SPRED2: variants seen among roughly 807,000 people sequenced by gnomAD.
The protein encoded by SPRED2 is sprouty-related, EVH1 domain-containing protein 2.
Under a neutral mutation model 43.0 loss-of-function variants are expected in SPRED2, and 47 were observed. The ratio of observed to expected loss-of-function variants is 1.09; its 90% CI spans 0.87 to 1.40. The LOEUF is 1.40. SPRED2 is among the 40% of genes most tolerant of loss of function. SPRED2 has a pLI of 0.00. For missense variants in SPRED2, 561 were observed against 586.4 expected (o/e 0.96, Z 0.45); for synonymous variants, 225 against 225.7 (o/e 1.00, Z 0.03).
At chr2:65,403,700 A>G (rs1192825967) in intron 1 of SPRED2, among the ~76,000 whole-genome samples, 1 of 152,162 alleles carries the variant, frequency 6.6e-6, no homozygotes, top group Non-Finnish European at 1.5e-5. Flanking sequence ...GCACCATCTC[A>G]GGCCCCACCC....
chr2:65,426,074 A>C (rs1361079677), intron 1 of SPRED2, among the ~76,000 whole-genome samples: 1 of 152,236 alleles, frequency 6.6e-6, no homozygotes, highest in Non-Finnish European at 1.5e-5. Flanking sequence ...GAAAATTGTT[A>C]ATACTGTGAT....
intron 1 of SPRED2, among the ~76,000 whole-genome samples, chr2:65,401,952 C>CAT (rs1675910226): frequency 6.7e-6 from 1 of 150,176 alleles, no homozygotes; most frequent in South Asian, 2.1e-4. Flanking sequence ...CACACACACA[C>CAT]ACACACACAC....
At chr2:65,422,106 T>A (rs2576925) in intron 1 of SPRED2, among the ~76,000 whole-genome samples, 15,550 of 49,588 alleles carry the variant, frequency 0.31, 1,347 homozygotes, top group East Asian at 0.59. Flanking sequence ...ACACACACAC[T>A]CTCTCTCTCT....
intron 1 of SPRED2, among the ~76,000 whole-genome samples, chr2:65,379,418 A>C (rs1230567429): frequency 2.0e-5 from 3 of 152,154 alleles, no homozygotes; most frequent in African/African-American, 7.2e-5. Flanking sequence ...TTAGGAGGGC[A>C]AGCCTCTCCT....
intron 1 of SPRED2, among the ~76,000 whole-genome samples, chr2:65,405,426 G>T (rs1675999815): frequency 6.6e-6 from 1 of 152,134 alleles, no homozygotes; most frequent in Non-Finnish European, 1.5e-5. Context: ...CTCTTGCTTG[G>T]ATCTTATTTT....
Position 65,389,084 on chromosome 2 carries a change from C to T in SPRED2, c.26+42878G>A, listed in dbSNP as rs146598324. On this transcript the variant is annotated intron_variant, in intron 1 of 5. Transcript: ENST00000356388. ...TGCTCTGGCCTCTGAGACCCCAGCC[C>T]TCTTTCCTCTGGAGGATGAAAGGCC... is the stretch of plus-strand genomic sequence containing the variant. Among the ~76,000 whole-genome samples the T allele has an allele frequency of 5.7e-3, 868 of 152,316 alleles. 8 individuals are homozygous for T. Among genetic ancestry groups the T allele is most frequent in the Non-Finnish European group, 6.4e-3 (433 of 68,022 alleles).
At chr2:65,353,347 C>A (rs916532933) in intron 1 of SPRED2, among the ~76,000 whole-genome samples, 1 of 152,206 alleles carries the variant, frequency 6.6e-6, no homozygotes, top group African/African-American at 2.4e-5. Context: ...TGCTACCTAG[C>A]TACACTGAAG....
chr2:65,361,058 T>C (rs975763965), intron 1 of SPRED2, among the ~76,000 whole-genome samples: 9 of 152,212 alleles, frequency 5.9e-5, no homozygotes, highest in African/African-American at 2.2e-4. Context: ...TAAAAAATTC[T>C]TTTAAAAGAA....
intron 1 of SPRED2, among the ~76,000 whole-genome samples, chr2:65,376,165 C>A (rs1675232273): frequency 6.6e-6 from 1 of 152,194 alleles, no homozygotes; most frequent in Non-Finnish European, 1.5e-5. Flanking sequence ...CTTCCCTGTT[C>A]CCTACAGTTA....
chr2:65,313,372 C>A lies in SPRED2; in HGVS notation c.*129G>T. The A allele has an allele frequency of 6.7e-7, 1 of 1,497,242 alleles. No homozygotes were observed. The highest frequency in any genetic ancestry group is 2.3e-5 in the Admixed American group (1 of 43,516). The allele number at this position is 1,497,242 out of a possible 1,614,324, so 92.7% of individuals were successfully genotyped here. On this transcript the variant is annotated 3_prime_UTR_variant, in exon 6 of 6. Transcript: ENST00000356388. ...CTGGCTGGAATGGTGCCTCGAGGTA[C>A]CAGGGAGCTGGGAGGCCGCTTGCCC...
At chr2:65,409,565 T>C (rs1286682208) in intron 1 of SPRED2, among the ~76,000 whole-genome samples, 1 of 152,070 alleles carries the variant, frequency 6.6e-6, no homozygotes, top group East Asian at 1.9e-4. Context: ...ACACAGCTTT[T>C]AGCAATTTAC....
At chr2:65,359,492 A>AT (rs61569169) in intron 1 of SPRED2, among the ~76,000 whole-genome samples, 40,807 of 151,876 alleles carry the variant, frequency 0.27, 6,845 homozygotes, top group East Asian at 0.7. Flanking sequence ...ACTAGAAGGC[A>AT]TTTTTTTTCA....
At chr2:65,385,900 G>A (rs75459182) in intron 1 of SPRED2, among the ~76,000 whole-genome samples, 3,786 of 152,242 alleles carry the variant, frequency 0.025, 172 homozygotes, top group African/African-American at 0.087. Flanking sequence ...CTTCCTAAAT[G>A]TTCAGGTAAA....
chr2:65,423,818 G>A (rs1676494693), intron 1 of SPRED2, among the ~76,000 whole-genome samples: 1 of 151,502 alleles, frequency 6.6e-6, no homozygotes, highest in African/African-American at 2.4e-5. Context: ...TTGTTGACCA[G>A]GCTGGAGTGC....
intron 4 of SPRED2, among the ~76,000 whole-genome samples, chr2:65,317,284 G>A (rs1299861336): frequency 2.0e-5 from 3 of 152,160 alleles, no homozygotes; most frequent in African/African-American, 7.2e-5. Context: ...AGGCCAAGGC[G>A]GGCGGATCAC....
chr2:65,348,226 G>T (rs1293986377), intron 1 of SPRED2, among the ~76,000 whole-genome samples: 1 of 152,070 alleles, frequency 6.6e-6, no homozygotes, highest in Non-Finnish European at 1.5e-5. Flanking sequence ...TCTGTCCAAG[G>T]TTATTTCAGA....
chr2:65,409,015 C>G lies in SPRED2; in HGVS notation c.26+22947G>C, dbSNP rs111255337. On this transcript the variant is annotated intron_variant, in intron 1 of 5. Transcript: ENST00000356388. ...AAAGTCACAGATGTCATTTACAGAT[C>G]ACCTCTTCATCGACCCCAGACCTTT... 4.0e-3 allele frequency among the ~76,000 whole-genome samples: 606 copies of G among 152,284 alleles called. 1 individual carries two copies. The highest frequency in any genetic ancestry group is 0.014 in the African/African-American group (567 of 41,548).
intron 4 of SPRED2, among the ~76,000 whole-genome samples, chr2:65,321,807 C>T (rs1282564327): frequency 1.3e-5 from 2 of 152,264 alleles, no homozygotes; most frequent in East Asian, 1.9e-4. Context: ...GAGCCTTGAT[C>T]TGTCACCCAG....
chr2:65,337,831 T>C (rs2104230894), intron 2 of SPRED2, among the ~76,000 whole-genome samples: 1 of 152,372 alleles, frequency 6.6e-6, no homozygotes, highest in South Asian at 2.1e-4. Context: ...TCCTTATCTA[T>C]ATTTGAAGTA....
Sources: allele counts gnomAD v4.1 joint callset (sites outside exome capture counted in the v4.1 genomes callset), GRCh38; gene constraint gnomAD v4.1.1; transcripts MANE v1.5; gene names NCBI Gene and HGNC (gene_info 2026-07-23, HGNC 2026-07-21).